Variants in MCCC1 observed in about 807,000 individuals in gnomAD.
MCCC1 encodes methylcrotonoyl-CoA carboxylase subunit alpha, mitochondrial.
A neutral mutation model predicts 83.8 loss-of-function variants in MCCC1; 64 were observed. The observed-to-expected ratio is 0.76, with a 90% CI of 0.62 to 0.94. The LOEUF is 0.94. Among genes scored for constraint, MCCC1 ranks in the 40% least tolerant of loss-of-function variants. MCCC1 has a pLI of 0.00. For missense variants in MCCC1, 807 were observed against 904.7 expected, an observed-to-expected ratio of 0.89 and a Z score of 1.39; for synonymous variants, 322 against 315.4, an observed-to-expected ratio of 1.02 and a Z score of -0.22.
In MCCC1 at chr3:183,053,824, A is replaced by C. The variant is rs567999174; in HGVS notation, c.874-1584T>G. On this transcript the variant is annotated intron_variant, in intron 8 of 18. Transcript: ENST00000265594. ...TGTCTCAAAAAAAAAACAAAAAAAA[A>C]CAAAAAAAAATTAAAAAATAGGAAA... Among the ~76,000 whole-genome samples the C allele has an allele frequency of 7.2e-3, 1,090 of 150,430 alleles. 9 individuals are homozygous for C. Among genetic ancestry groups the C allele is most frequent in the African/African-American group, 0.025 (1,028 of 40,998 alleles).
intron 15 of MCCC1, 67 bp downstream of exon 15, chr3:183,025,688 G>T: frequency 7.5e-7 from 1 of 1,326,618 alleles, no homozygotes; most frequent in South Asian, 1.2e-5. Flanking sequence ...GAGAGTGAAA[G>T]ACCCTATTCA....
chr3:183,082,094 GC>G (rs1391508358), intron 4 of MCCC1, among the ~76,000 whole-genome samples: 2 of 152,132 alleles, frequency 1.3e-5, no homozygotes, highest in African/African-American at 4.8e-5. Flanking sequence ...CCTGCCTACG[GC>G]CCCCCAAGTG....
chr3:183,025,768 G>C lies in MCCC1; in HGVS notation c.1718C>G (p.Ser573Cys). Residue 573 changes from serine (S) to cysteine (C), a missense_variant, in exon 15 of 19, where the codon TCT becomes TGT. Physicochemically the swap from Ser to Cys is moderately radical, Grantham distance 112 (BLOSUM62 -1). Transcript: ENST00000265594. ...AIAVTYNHDGSYSMQIEDKTF... is the reference protein window; with the variant it reads ...AIAVTYNHDGCYSMQIEDKTF... ...AGTAAGGCTTACCTGCATGCTATAA[G>C]ACCCATCATGGTTATACGTTACAGC... The C allele has an allele frequency of 6.2e-7, 1 of 1,613,840 alleles. No homozygotes were observed. The highest frequency in any genetic ancestry group is 8.5e-7 in the Non-Finnish European group (1 of 1,179,828).
intron 7 of MCCC1, among the ~76,000 whole-genome samples, chr3:183,059,160 A>G (rs1289512579): frequency 6.6e-6 from 1 of 152,144 alleles, no homozygotes; most frequent in Non-Finnish European, 1.5e-5. Context: ...TACAAAAATT[A>G]GCCAGGTGTG....
intron 1 of MCCC1, among the ~76,000 whole-genome samples, chr3:183,097,588 CCTCA>C (rs1401046519): frequency 6.6e-6 from 1 of 152,118 alleles, no homozygotes; most frequent in Non-Finnish European, 1.5e-5. Flanking sequence ...AGAGATGAAG[CCTCA>C]CTGTGTTGCC....
intron 14 of MCCC1, among the ~76,000 whole-genome samples, chr3:183,029,373 G>A (rs552993410): frequency 3.9e-5 from 6 of 152,082 alleles, no homozygotes; most frequent in Non-Finnish European, 8.8e-5. Flanking sequence ...CGAACATGGC[G>A]GGGCCGACAA....
chr3:183,048,751 G>T (rs1049601044), intron 9 of MCCC1, among the ~76,000 whole-genome samples: 12 of 152,132 alleles, frequency 7.9e-5, no homozygotes, highest in Non-Finnish European at 1.6e-4. Flanking sequence ...CAATCAACTG[G>T]ATACAACTGT....
chr3:183,114,504 C>G (rs1199424445), intron 1 of MCCC1, among the ~76,000 whole-genome samples: 1 of 152,166 alleles, frequency 6.6e-6, no homozygotes, highest in Non-Finnish European at 1.5e-5. Context: ...AGGAAGCCAT[C>G]TGGTGTCCAC....
intron 16 of MCCC1, 69 bp from the exon 17 acceptor site, chr3:183,020,306 G>C (rs1712046720): frequency 8.3e-7 from 1 of 1,210,604 alleles, no homozygotes. Flanking sequence ...ATATACCTGA[G>C]GTAATAATTG....
At chr3:183,102,542 G>A (rs1388155376), upstream of MCCC1, among the ~76,000 whole-genome samples, 1 of 151,876 alleles carries the variant, frequency 6.6e-6, no homozygotes, top group Non-Finnish European at 1.5e-5. Context: ...GGCTTAATAG[G>A]TCATTGACAA....
At chr3:183,053,883 T>A (rs2108500326) in intron 8 of MCCC1, among the ~76,000 whole-genome samples, 1 of 149,700 alleles carries the variant, frequency 6.7e-6, no homozygotes, top group Non-Finnish European at 1.5e-5. Flanking sequence ...AAGAATTTTT[T>A]TTTTTTTTTT....
intron 15 of MCCC1, among the ~76,000 whole-genome samples, chr3:183,024,938 A>C (rs1183093569): frequency 6.6e-6 from 1 of 151,996 alleles, no homozygotes; most frequent in East Asian, 1.9e-4. Context: ...GTATATACAT[A>C]CAACAGAGTA....
chr3:183,099,692 G>GAT, upstream of MCCC1: 2 of 588,294 alleles, frequency 3.4e-6, no homozygotes. Context: ...TTGTTTCTGC[G>GAT]TCCCCTGGGG....
chr3:183,049,113 T>G (rs1463757450), intron 9 of MCCC1, among the ~76,000 whole-genome samples: 1 of 152,224 alleles, frequency 6.6e-6, no homozygotes, highest in Admixed American at 6.5e-5. Flanking sequence ...GGGAAATTTA[T>G]AGCATTGAAT....
At chr3:183,113,312 G>A (rs573752750) in intron 1 of MCCC1, among the ~76,000 whole-genome samples, 9 of 148,784 alleles carry the variant, frequency 6.0e-5, no homozygotes, top group East Asian at 5.9e-4. Context: ...GCAAACTATC[G>A]CAAGGACAGA....
intron 10 of MCCC1, among the ~76,000 whole-genome samples, chr3:183,042,441 TTCTC>T (rs1332187754): frequency 6.6e-6 from 1 of 152,212 alleles, no homozygotes; most frequent in Non-Finnish European, 1.5e-5. Context: ...ACATTGCACT[TTCTC>T]TCTTTACTCT....
intron 4 of MCCC1, among the ~76,000 whole-genome samples, chr3:183,079,230 G>C (rs1251752415): frequency 6.6e-6 from 1 of 152,152 alleles, no homozygotes; most frequent in Admixed American, 6.5e-5. Context: ...TAACTCAAAA[G>C]TCCACAGTCC....
At chr3:183,108,099 G>A (rs1233828101) in intron 1 of MCCC1, among the ~76,000 whole-genome samples, 3 of 152,138 alleles carry the variant, frequency 2.0e-5, no homozygotes, top group African/African-American at 7.2e-5. Context: ...TGTTTGTATT[G>A]GCTTAATGTT....
At chr3:183,071,847 G>A (rs1033791167) in intron 5 of MCCC1, among the ~76,000 whole-genome samples, 1 of 149,704 alleles carries the variant, frequency 6.7e-6, no homozygotes, top group African/African-American at 2.5e-5. Flanking sequence ...GACTACAGGT[G>A]TGTGTCACCA....
Sources: gnomAD v4.1 joint callset for allele counts (sites outside exome capture counted in the v4.1 genomes callset) on GRCh38, gnomAD v4.1.1 for gene constraint, MANE v1.5 for transcripts, NCBI Gene and HGNC (gene_info 2026-07-23, HGNC 2026-07-21) for gene names.